Variants in TRPC5 observed in about 807,000 individuals in gnomAD.
TRPC5 encodes the protein short transient receptor potential channel 5.
In TRPC5, 9 loss-of-function variants were observed where a neutral mutation model predicts 56.5. The observed-to-expected ratio is 0.16, with a 90% CI of 0.10 to 0.28. The LOEUF is 0.28. Among genes scored for constraint, TRPC5 ranks in the 10% least tolerant of loss-of-function variants. TRPC5 has a pLI of 1.00. For synonymous variants in TRPC5, 282 were observed against 278.5 expected (o/e 1.01, Z -0.13); for missense variants, 469 against 748.9 (o/e 0.63, Z 4.36).
intron 7 of TRPC5, among the ~76,000 whole-genome samples, chrX:111,818,920 A>G (rs964318561): frequency 8.9e-6 from 1 of 111,806 alleles, no homozygotes; most frequent in Non-Finnish European, 1.9e-5. Context: ...CAAGCATATC[A>G]GTAAATCTTA....
chrX:111,772,798 G>C lies in TRPC5; in HGVS notation c.*3515C>G, dbSNP rs1022041062. Among the ~76,000 whole-genome samples the C allele has an allele frequency of 5.4e-5, 6 of 111,009 alleles. No individual in the cohort carries two copies. The highest frequency in any genetic ancestry group is 1.6e-4 in the African/African-American group (5 of 30,572). ...TATCTTCAAGTACTTTTTACCTGAT[G>C]ATTTAACAAACCAAGGTCTGGGGCA... On this transcript the variant is annotated 3_prime_UTR_variant, in exon 11 of 11. Coordinates refer to ENST00000262839, the MANE Select transcript of TRPC5 (RefSeq NM_012471.3).
At chrX:111,839,216 G>C (rs2148579437) in intron 6 of TRPC5, among the ~76,000 whole-genome samples, 1 of 111,209 alleles carries the variant, frequency 9.0e-6, no homozygotes, top group Admixed American at 9.6e-5. Flanking sequence ...TCTAATTCTT[G>C]TTTGACCTTT....
chrX:111,976,960 G>A (rs189120392), intron 1 of TRPC5, among the ~76,000 whole-genome samples: 1,810 of 111,129 alleles, frequency 0.016, 19 homozygotes, highest in Non-Finnish European at 0.022. Context: ...CGTATGCACT[G>A]AAAATCATAA....
chrX:111,798,298 A>G (rs191088527), intron 7 of TRPC5, among the ~76,000 whole-genome samples: 3 of 111,944 alleles, frequency 2.7e-5, no homozygotes, highest in Non-Finnish European at 1.9e-5. Flanking sequence ...TTTTGTAGCC[A>G]CCTCCTGTTG....
intron 5 of TRPC5, among the ~76,000 whole-genome samples, chrX:111,850,637 T>A (rs1007827595): frequency 8.9e-6 from 1 of 111,922 alleles, no homozygotes; most frequent in African/African-American, 3.3e-5. Context: ...GGACTCCAAC[T>A]TCTTGGCAAA....
chrX:111,834,143 T>C (rs1051568360), intron 7 of TRPC5, among the ~76,000 whole-genome samples: 2 of 112,348 alleles, frequency 1.8e-5, no homozygotes, highest in African/African-American at 3.2e-5. Context: ...AGGGACTAAA[T>C]TGATCCTGTA....
intron 2 of TRPC5, among the ~76,000 whole-genome samples, chrX:111,943,414 A>G (rs780285863): frequency 8.9e-6 from 1 of 111,995 alleles, no homozygotes; most frequent in South Asian, 3.8e-4. Flanking sequence ...GTCTGAGACA[A>G]AAAAACAGAT....
At chrX:111,866,864 G>T (rs1023152892) in intron 3 of TRPC5, among the ~76,000 whole-genome samples, 13 of 112,145 alleles carry the variant, frequency 1.2e-4, no homozygotes, top group African/African-American at 3.6e-4. Flanking sequence ...CTTAACTCAA[G>T]GCAGAATAGA....
At chrX:111,993,589 C>A (rs1032785382) in intron 1 of TRPC5, among the ~76,000 whole-genome samples, 1 of 112,207 alleles carries the variant, frequency 8.9e-6, no homozygotes, top group African/African-American at 3.2e-5. Flanking sequence ...TTAATGATTG[C>A]CATTCTAACT....
intron 1 of TRPC5, among the ~76,000 whole-genome samples, chrX:112,080,399 C>T (rs953295424): frequency 3.7e-5 from 3 of 80,117 alleles, no homozygotes; most frequent in South Asian, 1.0e-3. Context: ...ACTACATACA[C>T]ACACACACAC....
At chrX:112,080,212 G>A (rs1930928449) in intron 1 of TRPC5, among the ~76,000 whole-genome samples, 1 of 111,378 alleles carries the variant, frequency 9.0e-6, no homozygotes, top group East Asian at 2.8e-4. Context: ...TGCAGAATCC[G>A]TTTCTCTTAT....
intron 1 of TRPC5, among the ~76,000 whole-genome samples, chrX:112,060,641 A>T (rs1231126764): frequency 1.8e-5 from 2 of 111,732 alleles, no homozygotes; most frequent in African/African-American, 6.5e-5. Context: ...GTGTTTCTCC[A>T]CTGGGGGTGC....
intron 7 of TRPC5, among the ~76,000 whole-genome samples, chrX:111,811,086 G>A (rs1031523088): frequency 6.2e-5 from 7 of 112,102 alleles, no homozygotes; most frequent in African/African-American, 2.3e-4. Flanking sequence ...CCCTGAAGAA[G>A]ATTTAAGCCA....
At chrX:111,811,416 C>T (rs907406977) in intron 7 of TRPC5, among the ~76,000 whole-genome samples, 1 of 112,748 alleles carries the variant, frequency 8.9e-6, no homozygotes, top group Non-Finnish European at 1.9e-5. Flanking sequence ...CACGCTTGCG[C>T]GTGCACACAC....
At chrX:111,949,241 G>T (rs1447157901) in intron 2 of TRPC5, among the ~76,000 whole-genome samples, 1 of 112,053 alleles carries the variant, frequency 8.9e-6, no homozygotes, top group Non-Finnish European at 1.9e-5. Flanking sequence ...AATTCTAGAA[G>T]ATAACATTGG....
At chrX:111,869,931 A>G (rs1008808627) in intron 3 of TRPC5, among the ~76,000 whole-genome samples, 1 of 112,144 alleles carries the variant, frequency 8.9e-6, no homozygotes, top group Non-Finnish European at 1.9e-5. Flanking sequence ...GAAATCATAG[A>G]AAGTGTGGTT....
chrX:111,787,994 G>A (rs1041274565), intron 7 of TRPC5, among the ~76,000 whole-genome samples: 3 of 111,949 alleles, frequency 2.7e-5, no homozygotes, highest in African/African-American at 6.5e-5. Context: ...ACAAAGAGGA[G>A]CTGGTACCAT....
intron 1 of TRPC5, among the ~76,000 whole-genome samples, chrX:112,048,514 T>A (rs1291913704): frequency 1.8e-5 from 2 of 109,389 alleles, no homozygotes; most frequent in Non-Finnish European, 3.8e-5. Flanking sequence ...TCATGGACCC[T>A]GAGATGCCAC....
chrX:111,979,053 A>G (rs1286576300), intron 1 of TRPC5, among the ~76,000 whole-genome samples: 5 of 111,275 alleles, frequency 4.5e-5, no homozygotes, highest in Non-Finnish European at 7.6e-5. Context: ...GGAAATAATA[A>G]GAAATGAAAG....
Sources: gnomAD v4.1 joint callset for allele counts (sites outside exome capture counted in the v4.1 genomes callset) on GRCh38, gnomAD v4.1.1 for gene constraint, MANE v1.5 for transcripts, NCBI Gene and HGNC (gene_info 2026-07-23, HGNC 2026-07-21) for gene names.